SLC14A2: variants seen among roughly 807,000 people sequenced by gnomAD.
SLC14A2 encodes the protein solute carrier family 14 member 2.
SLC14A2 carries 91 observed loss-of-function variants against 104.6 expected under a neutral mutation model. The ratio of observed to expected loss-of-function variants is 0.87; its 90% confidence interval spans 0.73 to 1.04. SLC14A2 has a LOEUF of 1.04. Among genes scored for constraint, SLC14A2 ranks in the 50% least tolerant of loss-of-function variants. The pLI is 0.00. For missense variants in SLC14A2, 1,189 were observed against 1,156.0 expected (o/e 1.03, Z -0.41); for synonymous variants, 476 against 466.4 (o/e 1.02, Z -0.27).
intron 1 of SLC14A2, among the ~76,000 whole-genome samples, chr18:45,451,110 T>C (rs907183124): frequency 6.6e-6 from 1 of 152,168 alleles, no homozygotes; most frequent in Non-Finnish European, 1.5e-5. Flanking sequence ...CTTTCCACAA[T>C]TGATGCTGAA....
At chr18:45,617,457 G>T (rs564403678) in intron 1 of SLC14A2, among the ~76,000 whole-genome samples, 1 of 152,234 alleles carries the variant, frequency 6.6e-6, no homozygotes, top group Non-Finnish European at 1.5e-5. Flanking sequence ...GCTGGCCCCA[G>T]TGAGTCAGTC....
chr18:45,557,324 T>C (rs2044146250), intron 2 of SLC14A2, among the ~76,000 whole-genome samples: 1 of 152,266 alleles, frequency 6.6e-6, no homozygotes, highest in Admixed American at 6.5e-5. Context: ...CCTGCCATGC[T>C]GAGCTTGATG....
At chr18:45,601,171 G>A (rs1385339) in intron 2 of SLC14A2, among the ~76,000 whole-genome samples, 102,775 of 152,102 alleles carry the variant, frequency 0.68, 35,266 homozygotes, top group East Asian at 0.85. Context: ...AAGAGAATGC[G>A]CGGCCCAACC....
chr18:45,456,751 CTTTT>C (rs10711605), intron 1 of SLC14A2, among the ~76,000 whole-genome samples: 1 of 141,936 alleles, frequency 7.0e-6, no homozygotes, highest in Non-Finnish European at 1.6e-5. Flanking sequence ...CCCCAGGAGA[CTTTT>C]TTTTTTTTTT....
chr18:45,557,600 C>G (rs1274289644), intron 2 of SLC14A2, among the ~76,000 whole-genome samples: 1 of 152,202 alleles, frequency 6.6e-6, no homozygotes, highest in Non-Finnish European at 1.5e-5. Context: ...CTATTCTCAG[C>G]TTCTCTGGAG....
chr18:45,531,169 T>A (rs1568262218), intron 2 of SLC14A2, among the ~76,000 whole-genome samples: 1 of 152,238 alleles, frequency 6.6e-6, no homozygotes, highest in Non-Finnish European at 1.5e-5. Context: ...TACGTGTGCA[T>A]GTGTCTTTAT....
In SLC14A2 at chr18:45,254,758, G is replaced by A. The variant is rs1278234694; in HGVS notation, c.-125+41567G>A. 5.9e-5 allele frequency among the ~76,000 whole-genome samples: 9 copies of A among 152,048 alleles called. No individual in the cohort carries two copies. The East Asian group carries it at 1.7e-3, about 29-fold the overall frequency. On this transcript the variant is annotated intron_variant, in intron 1 of 20. Coordinates refer to the SLC14A2 transcript ENST00000586448. ...GGGGGACCGTAAGCCATCCTCAGGG[G>A]CCTGACCTGGGTTTCCGTTTGCAGC... is the stretch of plus-strand genomic sequence containing the variant.
intron 2 of SLC14A2, among the ~76,000 whole-genome samples, chr18:45,591,617 G>A (rs2044647255): frequency 6.6e-6 from 1 of 152,130 alleles, no homozygotes; most frequent in Non-Finnish European, 1.5e-5. Flanking sequence ...TTACAGGCAT[G>A]AGCCACCACG....
At chr18:45,175,834 G>C in the SLC14A2 span, among the ~76,000 whole-genome samples, 1 of 152,104 alleles carries the variant, frequency 6.6e-6, no homozygotes, top group African/African-American at 2.4e-5. Flanking sequence ...AAACATAAGG[G>C]TCTTATCAGC....
At chr18:45,530,533 T>A (rs527884067) in intron 2 of SLC14A2, among the ~76,000 whole-genome samples, 6 of 152,156 alleles carry the variant, frequency 3.9e-5, no homozygotes, top group Non-Finnish European at 8.8e-5. Context: ...CACTTGCTAT[T>A]CAGGTTCTCC....
intron 1 of SLC14A2, among the ~76,000 whole-genome samples, chr18:45,368,527 T>C (rs935529947): frequency 1.3e-5 from 2 of 152,186 alleles, no homozygotes; most frequent in Non-Finnish European, 2.9e-5. Context: ...TCCTGCCACA[T>C]TGGGCTTATG....
chr18:45,640,605 C>T (rs187312688), intron 7 of SLC14A2, among the ~76,000 whole-genome samples: 1 of 152,222 alleles, frequency 6.6e-6, no homozygotes, highest in Admixed American at 6.5e-5. Context: ...GAGTAGGAAC[C>T]TGTTTTAGAC....
chr18:45,208,915 A>G (rs1022419401), upstream of SLC14A2, among the ~76,000 whole-genome samples: 2 of 151,920 alleles, frequency 1.3e-5, no homozygotes, highest in Non-Finnish European at 2.9e-5. Flanking sequence ...TATTATTTCT[A>G]CTATCATTAT....
chr18:45,333,527 G>A (rs1222800652), intron 1 of SLC14A2, among the ~76,000 whole-genome samples: 1 of 152,190 alleles, frequency 6.6e-6, no homozygotes, highest in East Asian at 1.9e-4. Flanking sequence ...AATAACAGTA[G>A]ATCTGTACCA....
chr18:45,552,093 G>A (rs570630186), intron 2 of SLC14A2, among the ~76,000 whole-genome samples: 6 of 152,250 alleles, frequency 3.9e-5, no homozygotes, highest in African/African-American at 7.2e-5. Flanking sequence ...TAGCAGATCC[G>A]TGACCCATAC....
the SLC14A2 span, among the ~76,000 whole-genome samples, chr18:45,192,945 G>T: frequency 0.013 from 1,969 of 151,966 alleles, 56 homozygotes; most frequent in African/African-American, 0.046. Context: ...ATGAACCACC[G>T]GGCCTGGCCA....
chr18:45,225,260 A>T (rs1389170422), intron 1 of SLC14A2, among the ~76,000 whole-genome samples: 2 of 152,086 alleles, frequency 1.3e-5, no homozygotes, highest in Non-Finnish European at 2.9e-5. Context: ...TCCTTTCCCC[A>T]TTTCTTGTTT....
At chr18:45,486,966 C>A (rs2087619162) in intron 2 of SLC14A2, among the ~76,000 whole-genome samples, 3 of 152,284 alleles carry the variant, frequency 2.0e-5, no homozygotes, top group South Asian at 4.1e-4. Flanking sequence ...TGCAAAAGAG[C>A]AAGTATTAAG....
At chr18:45,190,687 G>A in the SLC14A2 span, among the ~76,000 whole-genome samples, 2 of 152,158 alleles carry the variant, frequency 1.3e-5, no homozygotes, top group Admixed American at 6.5e-5. Flanking sequence ...CCCATGACAC[G>A]AAGTCTACCC....
Sources: allele counts gnomAD v4.1 joint callset (sites outside exome capture counted in the v4.1 genomes callset), GRCh38; gene constraint gnomAD v4.1.1; transcripts MANE v1.5; gene names NCBI Gene and HGNC (gene_info 2026-07-23, HGNC 2026-07-21).